HIVEP1: variants seen among roughly 807,000 people sequenced by gnomAD.
HIVEP1 encodes the protein HIVEP zinc finger 1.
HIVEP1 carries 36 observed loss-of-function variants against 180.0 expected under a neutral mutation model. The ratio of observed to expected loss-of-function variants is 0.20; its 90% CI spans 0.15 to 0.26. The LOEUF (loss-of-function observed/expected upper bound fraction) is 0.26, where lower values mean the gene tolerates loss of function less well. HIVEP1 is among the 10% of genes least tolerant of loss of function. The pLI is 1.00. For synonymous variants in HIVEP1, 1,239 were observed against 1,239.0 expected (o/e 1.00, Z 0.00); for missense variants, 3,143 against 3,268.7 (o/e 0.96, Z 0.94).
chr6:12,113,699 G>GAAC (rs1418397194), intron 3 of HIVEP1, among the ~76,000 whole-genome samples: 1 of 152,092 alleles, frequency 6.6e-6, no homozygotes, highest in East Asian at 1.9e-4. Flanking sequence ...ACTAATAGAT[G>GAAC]AACAGCAAGG....
chr6:12,070,340 T>C (rs1162934174), intron 2 of HIVEP1, among the ~76,000 whole-genome samples: 2 of 152,184 alleles, frequency 1.3e-5, no homozygotes, highest in Admixed American at 1.3e-4. Context: ...TCACCACAAA[T>C]ACGTGATGAC....
rs1358177104 is a variant in HIVEP1 at position 12,161,079 on chromosome 6, CTTTATTAAT to C, written c.6488-354_6488-346del. ...CTCAGGAAAAGAGTTGCGTTGAACT[CTTTATTAAT>C]TTTATATGTAGTTCAGTTGTGTTTT... is the stretch of plus-strand genomic sequence containing the variant. On this transcript the variant is annotated intron_variant, in intron 7 of 8. Transcript: ENST00000379388. Among the ~76,000 whole-genome samples, 3 of 152,132 alleles carry C rather than the reference CTTTATTAAT, an allele frequency of 2.0e-5. No homozygotes were observed. In the South Asian group the frequency reaches 6.2e-4, roughly 32 times the overall value.
rs1367345601 is a variant in HIVEP1 at position 12,121,295 on chromosome 6, C to G, written c.1500C>G (p.Ala500=). ...EDSGESEEEG[A]TDERQHDLGA... ...GTGGGGAGAGCGAGGAGGAAGGCGCCACTGATGAGAGACAGCATGACCTGG... is the reference window on the plus strand; with the variant it reads ...GTGGGGAGAGCGAGGAGGAAGGCGCGACTGATGAGAGACAGCATGACCTGG... Residue 500 remains alanine, a synonymous_variant, in exon 4 of 9, where the codon GCC becomes GCG. Coordinates refer to ENST00000379388, the MANE Select transcript of HIVEP1 (RefSeq NM_002114.4). This position sits in a 1 kb window ranked among gnomAD's most constrained non-coding sequence, Gnocchi z 5.3. 4 of 1,613,984 alleles carry G rather than the reference C, an allele frequency of 2.5e-6. No homozygotes were observed. The highest frequency in any genetic ancestry group is 3.4e-6 in the Non-Finnish European group (4 of 1,180,006).
chr6:12,137,341 T>C (rs1276319091), intron 7 of HIVEP1, among the ~76,000 whole-genome samples: 1 of 152,244 alleles, frequency 6.6e-6, no homozygotes, highest in Non-Finnish European at 1.5e-5. Flanking sequence ...GTAGTACTTA[T>C]ATCTTAAATT....
chr6:12,099,329 G>A (rs1329937412), intron 3 of HIVEP1, among the ~76,000 whole-genome samples: 3 of 151,920 alleles, frequency 2.0e-5, no homozygotes, highest in Non-Finnish European at 4.4e-5. Context: ...CACTACGCCC[G>A]GCTATTTTTT....
chr6:12,125,113 G>A lies in HIVEP1; in HGVS notation c.5318G>A (p.Cys1773Tyr). Reference protein sequence around the residue: ...KRAKDENGAVCATDVRPLEAL... With the variant: ...KRAKDENGAVYATDVRPLEAL... ...GCCAAAGATGAAAATGGAGCTGTTT[G>A]TGCAACAGACGTGAGACCTTTAGAG... is the stretch of plus-strand genomic sequence containing the variant. Residue 1773 changes from cysteine (C) to tyrosine (Y), a missense_variant, in exon 4 of 9, where the codon TGT becomes TAT. Transcript: ENST00000379388. 6.2e-7 allele frequency: 1 copy of A among 1,613,610 alleles called. No individual in the cohort carries two copies. Among genetic ancestry groups the A allele is most frequent in the Non-Finnish European group, 8.5e-7 (1 of 1,179,862 alleles).
rs758033777 is a variant in HIVEP1, at chr6:12,120,655, A to C, written c.860A>C (p.His287Pro). 1.2e-6 allele frequency: 2 copies of C among 1,614,222 alleles called. No homozygotes were observed. The highest frequency in any genetic ancestry group is 1.7e-6 in the Non-Finnish European group (2 of 1,180,034). Residue 287 changes from histidine to proline, a missense_variant, in exon 4 of 9, where the codon CAT (histidine) becomes CCT (proline). This residue lies in a region of HIVEP1 where 306 missense variants were observed against 310.6 expected (regional missense o/e 0.99). Coordinates refer to ENST00000379388, the MANE Select transcript of HIVEP1 (RefSeq NM_002114.4). ...MQSASHLYHQ[H>P]EHFVPKSNQH... ...TCAGCTTCTCATTTGTATCATCAAC[A>C]TGAACACTTTGTTCCCAAATCCAAC...
chr6:12,202,169 T>C, the HIVEP1 span, among the ~76,000 whole-genome samples: 117 of 152,256 alleles, frequency 7.7e-4, 1 homozygote, highest in Non-Finnish European at 1.4e-3. Flanking sequence ...ATTTATATAT[T>C]TTTTGAGACA....
intron 6 of HIVEP1, among the ~76,000 whole-genome samples, chr6:12,133,979 CAAA>C (rs111307585): frequency 8.5e-6 from 1 of 117,356 alleles, no homozygotes. Context: ...CCGTCTCAAC[CAAA>C]AAAAAAAAAA....
intron 2 of HIVEP1, among the ~76,000 whole-genome samples, chr6:12,058,726 C>T (rs371859998): frequency 3.3e-5 from 5 of 152,216 alleles, no homozygotes; most frequent in East Asian, 3.9e-4. Context: ...CAAACAGCTC[C>T]GTACTGGTGA....
chr6:12,111,915 C>G (rs1774920893), intron 3 of HIVEP1, among the ~76,000 whole-genome samples: 2 of 152,180 alleles, frequency 1.3e-5, no homozygotes, highest in South Asian at 4.1e-4. Flanking sequence ...TTTCACCCAC[C>G]ATGCTGCCAT....
chr6:12,171,878 C>T, the HIVEP1 span, among the ~76,000 whole-genome samples: 3 of 152,292 alleles, frequency 2.0e-5, no homozygotes, highest in East Asian at 1.9e-4. Flanking sequence ...TCACGCCAAT[C>T]CTCTAAGATG....
chr6:12,140,838 G>A (rs6915901), intron 7 of HIVEP1, among the ~76,000 whole-genome samples: 2,129 of 152,200 alleles, frequency 0.014, 40 homozygotes, highest in East Asian at 0.05. Flanking sequence ...AGAAAGAAAC[G>A]AACAAAGCCT....
rs1260834391 is a variant in HIVEP1 at position 12,121,782 on chromosome 6, C to T, written c.1987C>T (p.Leu663=). ...DYSQEQQGKL[L]SPRSLGSTDS... ...CTCCCAAGAGCAGCAAGGAAAGCTC[C>T]TGAGTCCTCGAAGTTTAGGAAGTAC... The change falls in exon 4 of 9, where the codon CTG becomes TTG. Residue 663 remains leucine (L), a synonymous_variant. Coordinates refer to ENST00000379388, the MANE Select transcript of HIVEP1 (RefSeq NM_002114.4). The surrounding 1 kb of genome is among the most constrained non-coding windows in gnomAD (Gnocchi z 5.3). 1 of 1,614,198 alleles carries T rather than the reference C, an allele frequency of 6.2e-7. No individual in the cohort carries two copies. The highest frequency in any genetic ancestry group is 1.1e-5 in the South Asian group (1 of 91,086).
the HIVEP1 span, among the ~76,000 whole-genome samples, chr6:12,211,435 T>C: frequency 6.8e-6 from 1 of 147,334 alleles, no homozygotes; most frequent in Non-Finnish European, 1.5e-5. Context: ...AAAGAGTACT[T>C]TGAATAATTT....
upstream of HIVEP1, among the ~76,000 whole-genome samples, chr6:12,009,241 G>C (rs1767160070): frequency 6.7e-6 from 1 of 150,148 alleles, no homozygotes; most frequent in Admixed American, 6.6e-5. Flanking sequence ...GTGGGAACCC[G>C]AGCCGTGGAC....
At chr6:12,047,133 A>G (rs1271123695) in intron 2 of HIVEP1, among the ~76,000 whole-genome samples, 1 of 152,126 alleles carries the variant, frequency 6.6e-6, no homozygotes, top group Non-Finnish European at 1.5e-5. Flanking sequence ...TGCTGGGATT[A>G]CAGGTGTGAG....
chr6:12,059,842 C>T (rs1490216368), intron 2 of HIVEP1, among the ~76,000 whole-genome samples: 1 of 152,136 alleles, frequency 6.6e-6, no homozygotes, highest in Non-Finnish European at 1.5e-5. Context: ...CTGTAGGGTA[C>T]GTAGCACATT....
the HIVEP1 span, among the ~76,000 whole-genome samples, chr6:12,181,316 C>T: frequency 1.3e-4 from 20 of 151,998 alleles, no homozygotes; most frequent in African/African-American, 2.4e-4. Context: ...GCTGAGATTG[C>T]GCCACTGCAC....
Sources: allele counts gnomAD v4.1 joint callset (sites outside exome capture counted in the v4.1 genomes callset), GRCh38; gene constraint gnomAD v4.1.1; regional missense constraint gnomAD v4.1.1; non-coding constraint Gnocchi (gnomAD v3.1); transcripts MANE v1.5; gene names NCBI Gene and HGNC (gene_info 2026-07-23, HGNC 2026-07-21).